The following DIAPH3 variants were observed in gnomAD, a reference collection of about 807,000 sequenced individuals.
DIAPH3 encodes protein diaphanous homolog 3.
A neutral mutation model predicts 144.3 loss-of-function variants in DIAPH3; 117 were observed. The ratio of observed to expected loss-of-function variants is 0.81; its 90% CI spans 0.70 to 0.95. The LOEUF is 0.95. DIAPH3 is among the 40% of genes least tolerant of loss of function. DIAPH3 has a pLI of 0.00. For missense variants in DIAPH3, 1,421 were observed against 1,412.7 expected, an observed-to-expected ratio of 1.01 and a Z score of -0.09; for synonymous variants, 519 against 488.9, an observed-to-expected ratio of 1.06 and a Z score of -0.81.
At chr13:60,045,163 G>T (rs1247797781) in intron 4 of DIAPH3, among the ~76,000 whole-genome samples, 2 of 152,004 alleles carry the variant, frequency 1.3e-5, no homozygotes, top group Non-Finnish European at 2.9e-5. Flanking sequence ...CCAACATGGA[G>T]AAACCCATCT....
At chr13:60,049,404 T>C (rs2056229460) in intron 4 of DIAPH3, among the ~76,000 whole-genome samples, 1 of 152,224 alleles carries the variant, frequency 6.6e-6, no homozygotes, top group Non-Finnish European at 1.5e-5. Context: ...CATATTGAAC[T>C]GTCCAACTTG....
intron 7 of DIAPH3, chr13:60,013,508 T>C (rs540888970): frequency 3.3e-5 from 5 of 152,334 alleles, no homozygotes; most frequent in African/African-American, 1.2e-4. Context: ...TCTAATTACC[T>C]TTCAATTTGA....
At position 59,970,041 on chromosome 13, in the gene DIAPH3, C is replaced by A. The variant is rs1488312991; in HGVS notation, c.1977G>T (p.Met659Ile). The A allele has an allele frequency of 2.5e-6, 4 of 1,599,368 alleles. No individual in the cohort carries two copies. In the South Asian group the frequency reaches 4.5e-5, roughly 18 times the overall value. Residue 659 changes from methionine (M) to isoleucine (I), a missense_variant, in exon 17 of 28, where the codon ATG becomes ATT. Transcript: ENST00000400324. ...LNWLKIRPHE[M>I]TENCFWIKVN... ...CTTTTATCCAGAAACAGTTTTCAGTCATTTCATGAGGTCTGATCTACAATC... is the reference window on the plus strand; with the variant it reads ...CTTTTATCCAGAAACAGTTTTCAGTAATTTCATGAGGTCTGATCTACAATC...
At chr13:59,803,166 A>G (rs1024417042) in intron 25 of DIAPH3, among the ~76,000 whole-genome samples, 3 of 152,214 alleles carry the variant, frequency 2.0e-5, no homozygotes, top group African/African-American at 7.2e-5. Context: ...TGTGGCTGAC[A>G]TTATCAAAGT....
chr13:59,819,522 T>C (rs1405038809), intron 24 of DIAPH3, among the ~76,000 whole-genome samples: 2 of 151,866 alleles, frequency 1.3e-5, no homozygotes, highest in Non-Finnish European at 1.5e-5. Context: ...AACACAGATA[T>C]CTTATTTCTA....
At chr13:59,708,035 A>T (rs1351768229) in intron 27 of DIAPH3, among the ~76,000 whole-genome samples, 1 of 151,444 alleles carries the variant, frequency 6.6e-6, no homozygotes, top group Non-Finnish European at 1.5e-5. Context: ...TCCTCTTCAA[A>T]CTACTAATTC....
At chr13:59,988,502 T>A (rs566244607) in intron 12 of DIAPH3, among the ~76,000 whole-genome samples, 1 of 152,000 alleles carries the variant, frequency 6.6e-6, no homozygotes, top group East Asian at 1.9e-4. Flanking sequence ...AGTTCATCTA[T>A]AATGTGGCTG....
chr13:59,929,554 CTTTTTTTTTTT>C lies in DIAPH3; in HGVS notation c.2075-4695_2075-4685del, dbSNP rs1167902415. Among the ~76,000 whole-genome samples, 2 of 56,088 alleles carry C rather than the reference CTTTTTTTTTTT, an allele frequency of 3.6e-5. 1 individual carries two copies. Among genetic ancestry groups the C allele is most frequent in the Non-Finnish European group, 6.9e-5 (2 of 29,184 alleles). 36.8% of individuals were successfully genotyped at this position (56,088 alleles called of 152,430 possible). On this transcript the variant is annotated intron_variant, in intron 17 of 27. Coordinates refer to ENST00000400324, the MANE Select transcript of DIAPH3 (RefSeq NM_001042517.2). Reference sequence around the variant, plus strand: ...TTTTTCTCCATATCTAAATTTTGTTCTTTTTTTTTTTTTTTTTTTTTTTTTTGAGATAGAGT... The same window carrying C: ...TTTTTCTCCATATCTAAATTTTGTTCTTTTTTTTTTTTTTTGAGATAGAGT...
At chr13:59,882,258 T>G (rs549842495) in intron 20 of DIAPH3, among the ~76,000 whole-genome samples, 1 of 151,972 alleles carries the variant, frequency 6.6e-6, no homozygotes, top group South Asian at 2.1e-4. Context: ...CCGGCTAATT[T>G]TTTGTATTTT....
intron 5 of DIAPH3, among the ~76,000 whole-genome samples, chr13:60,018,102 A>C (rs1433158786): frequency 6.6e-6 from 1 of 152,164 alleles, no homozygotes; most frequent in East Asian, 1.9e-4. Flanking sequence ...ACTGTTCATA[A>C]GGCACTCCTC....
At chr13:59,801,568 G>A (rs2039900590) in intron 25 of DIAPH3, among the ~76,000 whole-genome samples, 1 of 152,156 alleles carries the variant, frequency 6.6e-6, no homozygotes, top group African/African-American at 2.4e-5. Flanking sequence ...GTTCTATGAT[G>A]GCAATTCACT....
chr13:59,768,297 G>C (rs1239509325), intron 27 of DIAPH3, among the ~76,000 whole-genome samples: 2 of 151,862 alleles, frequency 1.3e-5, no homozygotes, highest in Admixed American at 1.3e-4. Flanking sequence ...TCAAAAAATA[G>C]GCCAATGACA....
intron 24 of DIAPH3, among the ~76,000 whole-genome samples, chr13:59,819,885 G>A (rs1202623018): frequency 6.6e-6 from 1 of 151,850 alleles, no homozygotes; most frequent in African/African-American, 2.4e-5. Flanking sequence ...ATAGCTGTGT[G>A]ACTATGCCTC....
chr13:59,763,389 T>A (rs928315172), intron 27 of DIAPH3, among the ~76,000 whole-genome samples: 2 of 152,020 alleles, frequency 1.3e-5, no homozygotes, highest in Non-Finnish European at 2.9e-5. Context: ...ATTGAAATAG[T>A]CTTTTAGGCT....
intron 14 of DIAPH3, 92 bp from the exon 15 acceptor site, chr13:59,974,548 G>T (rs987857548): frequency 2.8e-6 from 3 of 1,069,498 alleles, no homozygotes; most frequent in Admixed American, 4.0e-5. Flanking sequence ...TGATCTGCCG[G>T]TAGAACACAA....
intron 27 of DIAPH3, among the ~76,000 whole-genome samples, chr13:59,724,411 C>G (rs2138931918): frequency 6.6e-6 from 1 of 152,072 alleles, no homozygotes; most frequent in East Asian, 1.9e-4. Flanking sequence ...ATGGGTAATC[C>G]ACGGCCTTAT....
At chr13:59,859,146 TA>T (rs2043425421) in intron 22 of DIAPH3, among the ~76,000 whole-genome samples, 1 of 152,070 alleles carries the variant, frequency 6.6e-6, no homozygotes, top group Non-Finnish European at 1.5e-5. Flanking sequence ...AATATAATAA[TA>T]AAAAAGTTAT....
chr13:60,017,661 A>G (rs541603784), intron 5 of DIAPH3, among the ~76,000 whole-genome samples: 3 of 152,340 alleles, frequency 2.0e-5, no homozygotes, highest in Admixed American at 2.0e-4. Context: ...GATTTTACAA[A>G]AAAGAAAAAG....
chr13:59,996,276 C>T (rs1201744279), intron 9 of DIAPH3, among the ~76,000 whole-genome samples: 2 of 152,006 alleles, frequency 1.3e-5, no homozygotes, highest in East Asian at 3.9e-4. Context: ...GCCCTAAATG[C>T]ATCTTTATAT....
Sources: allele counts gnomAD v4.1 joint callset (sites outside exome capture counted in the v4.1 genomes callset), GRCh38; gene constraint gnomAD v4.1.1; transcripts MANE v1.5; gene names NCBI Gene and HGNC (gene_info 2026-07-23, HGNC 2026-07-21).